NBN: variants seen among roughly 807,000 people sequenced by gnomAD.
The protein encoded by NBN is Nijmegen breakage syndrome 1 (nibrin).
In NBN, 88 loss-of-function variants were observed where a neutral mutation model predicts 90.8. The ratio of observed to expected loss-of-function variants is 0.97; its 90% CI spans 0.82 to 1.16. NBN has a LOEUF of 1.16. NBN is among the 50% of genes most tolerant of loss of function. The pLI, the probability that NBN is intolerant of heterozygous loss-of-function variation, is 0.00. For missense variants in NBN, 894 were observed against 869.6 expected (o/e 1.03, Z -0.35); for synonymous variants, 328 against 295.1 (o/e 1.11, Z -1.14).
chr8:89,984,208 C>T, intron 1 of NBN: 2 of 484,412 alleles, frequency 4.1e-6, no homozygotes, highest in South Asian at 5.2e-5. Context: ...TGCCGCTTAC[C>T]CGCAGGCCAT....
intron 2 of NBN, 65 bp downstream of exon 2, chr8:89,982,657 C>G: frequency 7.2e-7 from 1 of 1,394,830 alleles, no homozygotes; most frequent in Non-Finnish European, 1.0e-6. Context: ...ACATACAAAC[C>G]AAGAGAATAT....
chr8:89,964,481 G>C lies in NBN; in HGVS notation c.923C>G (p.Ala308Gly), dbSNP rs1554562176. ...GAAAATCACCGCCAATCCAATTTCT[G>C]CTTCAGGAATAGGTCTAAGACCTTG... ...QRQGLRPIPE[A>G]EIGLAVIFMT... Residue 308 changes from alanine to glycine, a missense_variant, in exon 8 of 16, where the codon GCA becomes GGA. Coordinates refer to ENST00000265433, the MANE Select transcript of NBN (RefSeq NM_002485.5). 3 of 1,608,540 alleles carry C rather than the reference G, an allele frequency of 1.9e-6. No individual in the cohort carries two copies. Among genetic ancestry groups the C allele is most frequent in the Non-Finnish European group, 2.6e-6 (3 of 1,175,098 alleles).
Position 89,955,571 on chromosome 8 carries a change from A to T in NBN, c.1125-16T>A, listed in dbSNP as rs1220551574. On this transcript the variant is annotated splice_polypyrimidine_tract_variant and intron_variant, in intron 9 of 15. Transcript: ENST00000265433. ...ACTCAAATCCCTGTAGAAAAAGAAA[A>T]GAATGCAAGGTAAATAATCAAGTTT... 6.2e-7 allele frequency: 1 copy of T among 1,610,456 alleles called. No individual in the cohort carries two copies. The highest frequency in any genetic ancestry group is 8.5e-7 in the Non-Finnish European group (1 of 1,178,698).
chr8:89,958,881 G>T (rs1392067554), intron 8 of NBN, 27 bp from the exon 9 acceptor site: 1 of 1,612,024 alleles, frequency 6.2e-7, no homozygotes. Flanking sequence ...TAGAAAGAAA[G>T]AATCACAACT....
In NBN at chr8:89,970,357, T is replaced by C. The variant is rs1060504926; in HGVS notation, c.896+7A>G. On this transcript the variant is annotated splice_region_variant and intron_variant, in intron 7 of 15. Coordinates refer to ENST00000265433, the MANE Select transcript of NBN (RefSeq NM_002485.5). ...CAGTTTTTTACTAATAAAGAATAAT[T>C]CTATACCTTTGGAGCATATCCATTA... 8.8e-6 allele frequency: 14 copies of C among 1,596,546 alleles called. No individual in the cohort carries two copies. Among genetic ancestry groups the C allele is most frequent in the Non-Finnish European group, 1.2e-5 (14 of 1,164,514 alleles).
intron 15 of NBN, 97 bp downstream of exon 15, chr8:89,936,929 A>G: frequency 2.2e-6 from 2 of 925,604 alleles, no homozygotes; most frequent in African/African-American, 1.6e-5. Flanking sequence ...CTAGGTGTCT[A>G]TGAGGACAGA....
chr8:89,953,580 A>C lies in NBN; in HGVS notation c.1509T>G (p.Asn503Lys), dbSNP rs876660751. 2.0e-5 allele frequency: 33 copies of C among 1,613,582 alleles called. No homozygotes were observed. The highest frequency in any genetic ancestry group is 2.6e-5 in the Non-Finnish European group (31 of 1,179,774). Residue 503 changes from asparagine to lysine, a missense_variant, in exon 11 of 16, where the codon AAT becomes AAG. Transcript: ENST00000265433. ...TQPATPSLWK[N>K]KEQHLSENEP... is the part of the protein sequence containing the mutation. The stretch of plus-strand genomic sequence containing the variant: ...CATTCTCAGATAGATGCTGCTCCTT[A>C]TTTTTCCACAATGAGGGTGTAGCAG...
At chr8:89,947,680 G>GATCA (rs1563515919) in intron 12 of NBN, 144 bp downstream of exon 12, 1 of 489,780 alleles carries the variant, frequency 2.0e-6, no homozygotes, top group African/African-American at 2.0e-5. Flanking sequence ...ATAATACCAT[G>GATCA]ATCAATCCAT....
chr8:89,950,503 G>A (rs1358014370), intron 11 of NBN, among the ~76,000 whole-genome samples: 2 of 151,888 alleles, frequency 1.3e-5, no homozygotes, highest in Non-Finnish European at 2.9e-5. Context: ...CAGAGGATGT[G>A]GGACCCATGG....
rs1554566641 is a variant in NBN at position 89,978,254 on chromosome 8, C to T, written c.550G>A (p.Val184Ile). 1 of 1,605,738 alleles carries T rather than the reference C, an allele frequency of 6.2e-7. No homozygotes were observed. Among genetic ancestry groups the T allele is most frequent in the Non-Finnish European group, 8.5e-7 (1 of 1,172,628 alleles). ...TGTGGAGGCTGCTTCTTGGACTCAA[C>T]TGCTTTCAGGAATTCAGTAAAATAT... ...PEYFTEFLKA[V>I]ESKKQPPQIE... The change falls in exon 5 of 16, where the codon GTT (valine) becomes ATT (isoleucine). Residue 184 changes from valine to isoleucine, a missense_variant. Transcript: ENST00000265433.
intron 1 of NBN, 89 bp from the exon 2 acceptor site, chr8:89,982,944 A>T: frequency 1.5e-6 from 2 of 1,314,800 alleles, no homozygotes; most frequent in Non-Finnish European, 2.2e-6. Context: ...TGTATATGAT[A>T]TAGGTATGAC....
chr8:89,944,895 A>G (rs887341827), intron 13 of NBN, among the ~76,000 whole-genome samples: 1 of 152,164 alleles, frequency 6.6e-6, no homozygotes, highest in Admixed American at 6.5e-5. Flanking sequence ...TTGGAGATGT[A>G]AAGAACTCAG....
At chr8:89,970,691 C>A in intron 6 of NBN, 134 bp from the exon 7 acceptor site, 1 of 868,808 alleles carries the variant, frequency 1.2e-6, no homozygotes, top group Non-Finnish European at 1.8e-6. Flanking sequence ...ATTTCAGCTT[C>A]CACTTTGAGA....
intron 12 of NBN, 145 bp from the exon 13 acceptor site, chr8:89,946,440 T>C (rs1205860255): frequency 1.4e-6 from 1 of 718,050 alleles, no homozygotes; most frequent in East Asian, 2.6e-5. Flanking sequence ...ACTTTGTATT[T>C]GGAATCAAAT....
At chr8:89,984,174 C>CG (rs1332279912) in intron 1 of NBN, 1 of 430,470 alleles carries the variant, frequency 2.3e-6, no homozygotes, top group Non-Finnish European at 4.2e-6. Context: ...AACTTCCTGC[C>CG]GGGGGTTCCC....
intron 1 of NBN, chr8:89,984,222 G>C: frequency 1.9e-6 from 1 of 522,590 alleles, no homozygotes; most frequent in South Asian, 2.2e-5. Context: ...AGGCCATCCA[G>C]CCCTAGCGCT....
At chr8:89,955,142 T>C (rs1046577818) in intron 10 of NBN, 141 bp downstream of exon 10, 4 of 764,820 alleles carry the variant, frequency 5.2e-6, no homozygotes, top group African/African-American at 1.7e-5. Flanking sequence ...CAGGGACATT[T>C]CTGAGAGGGA....
chr8:89,960,884 A>T (rs1810963425), intron 8 of NBN, among the ~76,000 whole-genome samples: 1 of 152,098 alleles, frequency 6.6e-6, no homozygotes, highest in Non-Finnish European at 1.5e-5. Context: ...GAAAAGGGAG[A>T]CTCATTCACT....
In NBN at chr8:89,981,473, A is replaced by G. The variant is rs1563581193; in HGVS notation, c.222T>C (p.Tyr74=). 5.0e-6 allele frequency: 8 copies of G among 1,613,510 alleles called. No individual in the cohort carries two copies. The highest frequency in any genetic ancestry group is 5.9e-6 in the Non-Finnish European group (7 of 1,179,494). ...PVLTLKDNSK[Y]GTFVNEEKMQ... ...TTTTTTCCTCATTAACAAAGGTACC[A>G]TACTTAGAATTATCTTTTAATGTCA... is the stretch of plus-strand genomic sequence containing the variant. Residue 74 remains tyrosine (Y), a synonymous_variant, in exon 3 of 16, where the codon TAT becomes TAC. Transcript: ENST00000265433.
Sources: allele counts gnomAD v4.1 joint callset (sites outside exome capture counted in the v4.1 genomes callset), GRCh38; gene constraint gnomAD v4.1.1; transcripts MANE v1.5; gene names NCBI Gene and HGNC (gene_info 2026-07-23, HGNC 2026-07-21).